The following AKAP13 variants were observed in gnomAD, a reference collection of about 807,000 sequenced individuals.
AKAP13 encodes A-kinase anchor protein 13.
In AKAP13, 80 loss-of-function variants were observed where a neutral mutation model predicts 264.5. The observed-to-expected ratio is 0.30, with a 90% CI of 0.25 to 0.36. The LOEUF (loss-of-function observed/expected upper bound fraction) is 0.36, where lower values mean the gene tolerates loss of function less well. AKAP13 is among the 10% of genes least tolerant of loss of function. The pLI, the probability that AKAP13 is intolerant of heterozygous loss-of-function variation, is 1.00. For missense variants in AKAP13, 3,712 were observed against 3,435.2 expected, an observed-to-expected ratio of 1.08 and a Z score of -2.01; for synonymous variants, 1,380 against 1,250.2, an observed-to-expected ratio of 1.10 and a Z score of -2.19.
intron 5 of AKAP13, among the ~76,000 whole-genome samples, chr15:85,551,610 A>G (rs1167474039): frequency 6.6e-6 from 1 of 152,248 alleles, no homozygotes; most frequent in Non-Finnish European, 1.5e-5. Context: ...CTCTCCCTGC[A>G]GAATGACACA....
At chr15:85,525,875 G>A (rs1271076861) in intron 3 of AKAP13, among the ~76,000 whole-genome samples, 1 of 152,154 alleles carries the variant, frequency 6.6e-6, no homozygotes, top group Non-Finnish European at 1.5e-5. Flanking sequence ...TTTAGACCAA[G>A]CAGTGATTTC....
chr15:85,404,620 G>C (rs968803988), intron 1 of AKAP13, among the ~76,000 whole-genome samples: 1 of 152,172 alleles, frequency 6.6e-6, no homozygotes, highest in Non-Finnish European at 1.5e-5. Context: ...CTCACAGTTG[G>C]TTATAAGCTG....
At chr15:85,396,805 A>G (rs989539586) in intron 1 of AKAP13, among the ~76,000 whole-genome samples, 14 of 151,932 alleles carry the variant, frequency 9.2e-5, no homozygotes, top group African/African-American at 3.4e-4. Context: ...GCACTTTTAT[A>G]TGAAATTTGA....
chr15:85,529,607 A>AC (rs767586750), intron 3 of AKAP13, among the ~76,000 whole-genome samples: 2 of 152,196 alleles, frequency 1.3e-5, no homozygotes, highest in South Asian at 4.1e-4. Context: ...ATGCTGATTT[A>AC]CCCCCCAGGT....
chr15:85,586,939 AATAAG>A (rs1412809777), intron 8 of AKAP13, among the ~76,000 whole-genome samples: 10 of 25,458 alleles, frequency 3.9e-4, no homozygotes, highest in Non-Finnish European at 8.2e-4. Flanking sequence ...AAAAAAAAAA[AATAAG>A]AGAATAAAAG....
At chr15:85,413,199 A>G (rs1027239245) in intron 1 of AKAP13, among the ~76,000 whole-genome samples, 2 of 152,188 alleles carry the variant, frequency 1.3e-5, no homozygotes, top group Admixed American at 6.5e-5. Flanking sequence ...GATCCTGCGC[A>G]TGTTTTCTTT....
Position 85,741,260 on chromosome 15 carries a change from G to C in AKAP13, c.7823G>C (p.Arg2608Pro), listed in dbSNP as rs375611861. The C allele has an allele frequency of 1.5e-5, 24 of 1,609,842 alleles. No individual in the cohort carries two copies. Among genetic ancestry groups the C allele is most frequent in the Non-Finnish European group, 1.9e-5 (22 of 1,178,204 alleles). ...AGGCGCGAGCGTGAGTGGGAAGCTC[G>C]TGAGAGGGAGCTGCGGGAGCGGGAG... ...KRRREREWEA[R>P]ERELREREAL... The change falls in exon 35 of 37, where the codon CGT (arginine) becomes CCT (proline). Residue 2608 changes from arginine (R) to proline (P), a missense_variant. By Grantham distance (103) the Arg-to-Pro change is moderately radical. This residue lies in a region of AKAP13 where 611 missense variants were observed against 539.3 expected (regional missense o/e 1.13). Transcript: ENST00000394518.
rs1306074932 is a variant in AKAP13 at position 85,693,461 on chromosome 15, A to T, written c.5464+10A>T. On this transcript the variant is annotated intron_variant, in intron 17 of 36. Coordinates refer to ENST00000394518, the MANE Select transcript of AKAP13 (RefSeq NM_007200.5). ...GCCTATACTTGTGCAAGTAAGAGACATGCTTCTTCCTCTCGTAAGATGGAA... is the reference window on the plus strand; with the variant it reads ...GCCTATACTTGTGCAAGTAAGAGACTTGCTTCTTCCTCTCGTAAGATGGAA... 1 of 1,610,300 alleles carries T rather than the reference A, an allele frequency of 6.2e-7. No homozygotes were observed. The highest frequency in any genetic ancestry group is 2.2e-5 in the East Asian group (1 of 44,802).
At chr15:85,504,744 A>G (rs1484377235) in intron 2 of AKAP13, among the ~76,000 whole-genome samples, 2 of 151,542 alleles carry the variant, frequency 1.3e-5, no homozygotes, top group African/African-American at 4.9e-5. Flanking sequence ...TTAGCCAAAT[A>G]TATGGTTTTG....
chr15:85,569,859 C>T (rs528283758), intron 5 of AKAP13, among the ~76,000 whole-genome samples: 8 of 151,854 alleles, frequency 5.3e-5, no homozygotes, highest in Admixed American at 5.2e-4. Context: ...AGGTGGATCA[C>T]AAGGTCAGGA....
chr15:85,691,605 T>G (rs1475932205), intron 16 of AKAP13, among the ~76,000 whole-genome samples: 1 of 152,208 alleles, frequency 6.6e-6, no homozygotes, highest in Non-Finnish European at 1.5e-5. Flanking sequence ...TGCAGTATTC[T>G]TAAGGTGACA....
intron 17 of AKAP13, among the ~76,000 whole-genome samples, chr15:85,703,527 G>A (rs534319168): frequency 2.0e-5 from 3 of 152,210 alleles, no homozygotes; most frequent in Admixed American, 1.3e-4. Flanking sequence ...CAGATAGGGC[G>A]ATGTCTCAAA....
At chr15:85,600,276 T>A (rs1330562697) in intron 8 of AKAP13, among the ~76,000 whole-genome samples, 2 of 145,742 alleles carry the variant, frequency 1.4e-5, no homozygotes, top group Admixed American at 7.0e-5. Context: ...TTGTGGTGTA[T>A]CACCCCAGCA....
At position 85,684,793 on chromosome 15, in the gene AKAP13, T is replaced by A; in HGVS notation, c.5209T>A (p.Ser1737Thr). ...FLPHSPSKKDSEWKSGTKVSR... is the reference protein window; with the variant it reads ...FLPHSPSKKDTEWKSGTKVSR... ...GCCACATAGCCCCTCCAAGAAAGAT[T>A]CTGAATGGAAGAGTGGAACAAAAGT... Residue 1737 changes from serine to threonine, a missense_variant, in exon 16 of 37, where the codon TCT becomes ACT. By Grantham distance (58) the Ser-to-Thr change is moderately conservative. Coordinates refer to ENST00000394518, the MANE Select transcript of AKAP13 (RefSeq NM_007200.5). 6.2e-7 allele frequency: 1 copy of A among 1,613,830 alleles called. No individual in the cohort carries two copies. The highest frequency in any genetic ancestry group is 8.5e-7 in the Non-Finnish European group (1 of 1,179,968).
intron 8 of AKAP13, among the ~76,000 whole-genome samples, chr15:85,599,137 G>A (rs538357203): frequency 6.6e-6 from 1 of 152,264 alleles, no homozygotes; most frequent in South Asian, 2.1e-4. Context: ...ATCAAGCTCA[G>A]TGGATTGTTT....
At chr15:85,504,392 C>T (rs1596354126) in intron 2 of AKAP13, among the ~76,000 whole-genome samples, 1 of 150,266 alleles carries the variant, frequency 6.7e-6, no homozygotes, top group Non-Finnish European at 1.5e-5. Flanking sequence ...ACAGGCTGGG[C>T]GCAGTGGCTC....
intron 29 of AKAP13, among the ~76,000 whole-genome samples, chr15:85,728,852 A>C (rs923102003): frequency 6.6e-6 from 1 of 151,582 alleles, no homozygotes; most frequent in Non-Finnish European, 1.5e-5. Context: ...TTAAAAAAAA[A>C]AATTTTTTTT....
intron 1 of AKAP13, chr15:85,415,544 A>G: frequency 6.8e-7 from 1 of 1,466,340 alleles, no homozygotes; most frequent in South Asian, 1.1e-5. Flanking sequence ...AGGAAAACAC[A>G]ATAAGAAGAA....
chr15:85,740,072 T>C, intron 33 of AKAP13, 150 bp from the exon 34 acceptor site: 6 of 831,414 alleles, frequency 7.2e-6, no homozygotes, highest in Non-Finnish European at 1.1e-5. Context: ...ACTTAGTTTC[T>C]TTGGTGCTTT....
Sources: gnomAD v4.1 joint callset for allele counts (sites outside exome capture counted in the v4.1 genomes callset) on GRCh38, gnomAD v4.1.1 for gene constraint, gnomAD v4.1.1 regional missense constraint, MANE v1.5 for transcripts, NCBI Gene and HGNC (gene_info 2026-07-23, HGNC 2026-07-21) for gene names.